CEP89: variants seen among roughly 807,000 people sequenced by gnomAD.
CEP89 encodes the protein centrosomal protein 89.
Under a neutral mutation model 97.6 loss-of-function variants are expected in CEP89, and 95 were observed. The observed-to-expected ratio is 0.97, with a 90% CI of 0.82 to 1.15. The LOEUF is 1.15. Among genes scored for constraint, CEP89 ranks in the 50% most tolerant of loss-of-function variants. CEP89 has a pLI of 0.00. For synonymous variants in CEP89, 354 were observed against 349.1 expected (o/e 1.01, Z -0.16); for missense variants, 869 against 947.7 (o/e 0.92, Z 1.09).
At chr19:32,917,001 G>A (rs544524028) in intron 13 of CEP89, among the ~76,000 whole-genome samples, 2 of 152,132 alleles carry the variant, frequency 1.3e-5, no homozygotes, top group South Asian at 4.2e-4. Context: ...GAGTGAGACT[G>A]TCTCAAAAAA....
chr19:32,948,248 G>C lies in CEP89; in HGVS notation c.595+18C>G. 1 of 1,417,652 alleles carries C rather than the reference G, an allele frequency of 7.1e-7. No individual in the cohort carries two copies. 87.8% of individuals were successfully genotyped at this position (1,417,652 alleles called of 1,614,324 possible). ...AATGTTCTTATATTTTATAAAAATT[G>C]TGGTTTTTTTTTTCTACCTTTTTGT... On this transcript the variant is annotated intron_variant, in intron 5 of 18. Transcript: ENST00000305768.
chr19:32,955,365 C>T (rs1971024382), intron 3 of CEP89, among the ~76,000 whole-genome samples: 2 of 152,254 alleles, frequency 1.3e-5, no homozygotes, highest in African/African-American at 4.8e-5. Context: ...ACCAGCTTAA[C>T]CAGCCATTTT....
At chr19:32,955,793 C>T (rs1293044441) in intron 3 of CEP89, among the ~76,000 whole-genome samples, 1 of 152,140 alleles carries the variant, frequency 6.6e-6, no homozygotes. Flanking sequence ...AGGTTACAGG[C>T]GTGAGCCACT....
chr19:32,925,651 C>CT lies in CEP89; in HGVS notation c.1164+538dup, dbSNP rs199567204. On this transcript the variant is annotated intron_variant, in intron 11 of 18. Transcript: ENST00000305768. ...TTACAGGTACGTGCCACCACACCAG[C>CT]TAATTTTTGTATTTTTAGTAGAGAC... Among the ~76,000 whole-genome samples the CT allele has an allele frequency of 2.7e-3, 407 of 152,014 alleles. 2 individuals are homozygous for CT. Among genetic ancestry groups the CT allele is most frequent in the African/African-American group, 9.4e-3 (388 of 41,462 alleles).
At chr19:32,967,813 C>T (rs1318077195) in intron 1 of CEP89, among the ~76,000 whole-genome samples, 2 of 152,152 alleles carry the variant, frequency 1.3e-5, no homozygotes, top group African/African-American at 2.4e-5. Flanking sequence ...ATCATAAGCA[C>T]GATTCTCCGT....
intron 14 of CEP89, among the ~76,000 whole-genome samples, chr19:32,912,886 C>CA (rs1203357854): frequency 6.6e-6 from 1 of 150,674 alleles, no homozygotes; most frequent in African/African-American, 2.4e-5. Flanking sequence ...ACTAAAAATA[C>CA]AAAAAATTAG....
At chr19:32,908,071 A>G (rs191402414) in intron 14 of CEP89, among the ~76,000 whole-genome samples, 9 of 152,348 alleles carry the variant, frequency 5.9e-5, no homozygotes, top group African/African-American at 1.7e-4. Context: ...AGGCTATGCC[A>G]TGTGGCTTTG....
At chr19:32,940,963 G>A (rs984612047) in intron 5 of CEP89, among the ~76,000 whole-genome samples, 3 of 151,912 alleles carry the variant, frequency 2.0e-5, no homozygotes, top group Non-Finnish European at 4.4e-5. Context: ...GTTCCCCCAC[G>A]TTGGCCAGGC....
chr19:32,931,660 CCT>C (rs925145124), intron 8 of CEP89, 89 bp from the exon 9 acceptor site: 17 of 1,059,902 alleles, frequency 1.6e-5, no homozygotes, highest in Admixed American at 1.2e-4. Context: ...GCTTTTCTCC[CCT>C]CTTTCACGCT....
intron 14 of CEP89, among the ~76,000 whole-genome samples, chr19:32,904,381 A>G (rs1969846409): frequency 6.6e-6 from 1 of 152,170 alleles, no homozygotes; most frequent in Non-Finnish European, 1.5e-5. Flanking sequence ...AAAAAAACCC[A>G]CAAACTACCA....
intron 18 of CEP89, among the ~76,000 whole-genome samples, chr19:32,879,936 G>A (rs1236135048): frequency 6.6e-5 from 10 of 152,220 alleles, no homozygotes; most frequent in Non-Finnish European, 1.3e-4. Flanking sequence ...GGGGACCTGA[G>A]GAGATAAGAC....
At position 32,965,693 on chromosome 19, in the gene CEP89, C is replaced by A. The variant is rs1308904575; in HGVS notation, c.146+667G>T. The stretch of plus-strand genomic sequence containing the variant: ...CCTGGGCAACAGAGCAAGATCTTGC[C>A]TTGAAAAAAAAATTAATAATTAAAA... On this transcript the variant is annotated intron_variant, in intron 2 of 18. Coordinates refer to ENST00000305768, the MANE Select transcript of CEP89 (RefSeq NM_032816.5). Among the ~76,000 whole-genome samples the A allele has an allele frequency of 3.2e-5, 4 of 125,634 alleles. No individual in the cohort carries two copies. In the South Asian group the frequency reaches 1.1e-3, roughly 34 times the overall value. 82.4% of individuals were successfully genotyped at this position (125,634 alleles called of 152,430 possible).
At chr19:32,931,954 G>A (rs542593077) in intron 8 of CEP89, among the ~76,000 whole-genome samples, 135 of 152,300 alleles carry the variant, frequency 8.9e-4, no homozygotes, top group East Asian at 7.7e-4. Flanking sequence ...GGCCGAGGCG[G>A]GTGGATCACG....
intron 5 of CEP89, among the ~76,000 whole-genome samples, chr19:32,942,804 C>A (rs1485441441): frequency 8.6e-5 from 13 of 151,564 alleles, no homozygotes. Flanking sequence ...CAATACTGGG[C>A]ATACTCCTGC....
intron 1 of CEP89, among the ~76,000 whole-genome samples, chr19:32,968,517 G>A (rs1476964160): frequency 6.6e-6 from 1 of 152,176 alleles, no homozygotes; most frequent in African/African-American, 2.4e-5. Context: ...CAAAATACTG[G>A]GATTACATGT....
At position 32,951,648 on chromosome 19, in the gene CEP89, A is replaced by G. The variant is rs146440107; in HGVS notation, c.492+1967T>C. 3.6e-3 allele frequency among the ~76,000 whole-genome samples: 553 copies of G among 152,100 alleles called. 3 individuals are homozygous for G. The highest frequency in any genetic ancestry group is 0.012 in the African/African-American group (516 of 41,434). On this transcript the variant is annotated intron_variant, in intron 4 of 18. Coordinates refer to ENST00000305768, the MANE Select transcript of CEP89 (RefSeq NM_032816.5). ...TCCAGGATGCACTCCAAATCCAAGAAAAGATGAGTTTCCAAGGAGGGAGTG... is the reference window on the plus strand; with the variant it reads ...TCCAGGATGCACTCCAAATCCAAGAGAAGATGAGTTTCCAAGGAGGGAGTG...
At chr19:32,957,342 T>C (rs1047248936) in intron 3 of CEP89, among the ~76,000 whole-genome samples, 2 of 152,050 alleles carry the variant, frequency 1.3e-5, no homozygotes, top group African/African-American at 4.8e-5. Flanking sequence ...GATGGGGTGG[T>C]TGTGGATTTA....
Position 32,961,844 on chromosome 19 carries a change from A to G in CEP89, c.147-1786T>C, listed in dbSNP as rs191610119. 2.7e-3 allele frequency among the ~76,000 whole-genome samples: 407 copies of G among 151,450 alleles called. 4 individuals carry two copies. Among genetic ancestry groups the G allele is most frequent in the Non-Finnish European group, 3.7e-3 (249 of 67,856 alleles). ...TTTTTTGTAGAGATGGGGTCTCAAT[A>G]TGTTCTCCAGGCTGGTCTGGAACTC... On this transcript the variant is annotated intron_variant, in intron 2 of 18. Coordinates refer to ENST00000305768, the MANE Select transcript of CEP89 (RefSeq NM_032816.5).
At chr19:32,886,077 T>G (rs531603968) in intron 17 of CEP89, among the ~76,000 whole-genome samples, 1 of 152,302 alleles carries the variant, frequency 6.6e-6, no homozygotes, top group African/African-American at 2.4e-5. Context: ...GTGACATTTC[T>G]TCCTGGCTCT....
Sources: gnomAD v4.1 joint callset for allele counts (sites outside exome capture counted in the v4.1 genomes callset) on GRCh38, gnomAD v4.1.1 for gene constraint, MANE v1.5 for transcripts, NCBI Gene and HGNC (gene_info 2026-07-23, HGNC 2026-07-21) for gene names.